LRTM3: variants seen among roughly 807,000 people sequenced by gnomAD.
The protein encoded by LRTM3 is leucine rich repeat transmembrane protein 3.
At chr13:102,743,791 C>A in the LRTM3 span, 2 of 1,550,454 alleles carry the variant, frequency 1.3e-6, no homozygotes, top group Middle Eastern at 1.7e-4. Flanking sequence ...TTGACGACTT[C>A]TTTTCCTTCA....
the LRTM3 span, chr13:102,738,036 C>T: frequency 6.4e-7 from 1 of 1,550,656 alleles, no homozygotes; most frequent in African/African-American, 1.4e-5. Flanking sequence ...TCTTGTCCTG[C>T]ACCTCTTCTG....
the LRTM3 span, chr13:102,749,374 C>T: frequency 9.9e-5 from 154 of 1,551,354 alleles, no homozygotes; most frequent in South Asian, 1.7e-3. Flanking sequence ...CTTTTACACT[C>T]CTTAGTTGTG....
At chr13:102,735,221 T>A in the LRTM3 span, 79 of 1,551,284 alleles carry the variant, frequency 5.1e-5, no homozygotes, top group Non-Finnish European at 6.5e-5. Flanking sequence ...CAAATACATT[T>A]TGTTGGGATC....
chr13:102,754,122 T>C, the LRTM3 span, among the ~76,000 whole-genome samples: 1 of 150,160 alleles, frequency 6.7e-6, no homozygotes. Flanking sequence ...AGGAGAGTTG[T>C]TGAACCCAGG....
At chr13:102,746,948 A>G in the LRTM3 span, 1 of 1,551,244 alleles carries the variant, frequency 6.4e-7, no homozygotes, top group South Asian at 1.2e-5. Context: ...GGGAGAAACA[A>G]CAGACTCAAT....
the LRTM3 span, chr13:102,743,029 GA>G: frequency 1.9e-6 from 3 of 1,547,654 alleles, no homozygotes; most frequent in African/African-American, 2.8e-5. Flanking sequence ...GACTTTTTGA[GA>G]AAAAAGTTTC....
chr13:102,741,267 A>G, the LRTM3 span: 2 of 1,550,272 alleles, frequency 1.3e-6, no homozygotes, highest in Non-Finnish European at 1.7e-6. Context: ...AAACTTTCAG[A>G]GATGGTAACA....
chr13:102,744,196 C>T, the LRTM3 span: 1 of 1,550,452 alleles, frequency 6.4e-7, no homozygotes, highest in African/African-American at 1.4e-5. Context: ...TAAACAACTG[C>T]AAAATTCGTA....
the LRTM3 span, chr13:102,730,004 A>G: frequency 3.9e-6 from 6 of 1,551,634 alleles, no homozygotes; most frequent in Non-Finnish European, 5.2e-6. Context: ...CTCTTCACTG[A>G]ATGATACACT....
At chr13:102,731,332 G>A in the LRTM3 span, 2 of 1,551,290 alleles carry the variant, frequency 1.3e-6, no homozygotes, top group Admixed American at 2.0e-5. Context: ...ACCTCCAACT[G>A]TTATCTTTTG....
the LRTM3 span, chr13:102,745,984 G>T: frequency 6.4e-7 from 1 of 1,551,160 alleles, no homozygotes; most frequent in Non-Finnish European, 8.7e-7. Context: ...TGAGTATTAA[G>T]CCATCGCTGT....
chr13:102,740,101 T>A, the LRTM3 span: 1 of 1,548,760 alleles, frequency 6.5e-7, no homozygotes, highest in Non-Finnish European at 8.7e-7. Flanking sequence ...GACATACTTC[T>A]TTTTGTACCT....
chr13:102,746,702 G>A, the LRTM3 span: 21 of 1,551,056 alleles, frequency 1.4e-5, no homozygotes, highest in Admixed American at 5.9e-5. Context: ...AGTCTCTGGC[G>A]AAGTTGCTGG....
the LRTM3 span, among the ~76,000 whole-genome samples, chr13:102,754,910 G>A: frequency 3.9e-5 from 6 of 152,020 alleles, no homozygotes; most frequent in East Asian, 1.9e-4. Flanking sequence ...ATCTATCAAC[G>A]ATAACTCCCT....
the LRTM3 span, chr13:102,749,128 A>T: frequency 1.9e-6 from 3 of 1,550,300 alleles, no homozygotes; most frequent in South Asian, 2.4e-5. Flanking sequence ...TCTCAGTGTT[A>T]TTCTTGCATC....
chr13:102,738,740 G>A, the LRTM3 span: 1 of 1,550,574 alleles, frequency 6.4e-7, no homozygotes, highest in Non-Finnish European at 8.7e-7. Flanking sequence ...TCCTTCTATT[G>A]TGCCCACTTT....
the LRTM3 span, chr13:102,746,242 C>T: frequency 1.3e-6 from 2 of 1,550,818 alleles, no homozygotes; most frequent in Non-Finnish European, 1.7e-6. Context: ...TTTGACCCGC[C>T]TCAGACCCCA....
the LRTM3 span, chr13:102,731,961 T>C: frequency 1.3e-6 from 2 of 1,551,266 alleles, no homozygotes; most frequent in East Asian, 4.9e-5. Context: ...TCTGGAACAA[T>C]CCGTTCTTTT....
At chr13:102,734,956 TG>T in the LRTM3 span, 1 of 1,551,192 alleles carries the variant, frequency 6.4e-7, no homozygotes, top group Non-Finnish European at 8.7e-7. Context: ...GCCTTATACA[TG>T]TGCCTCCCTC....
Sources: allele counts gnomAD v4.1 joint callset (sites outside exome capture counted in the v4.1 genomes callset), GRCh38; gene constraint gnomAD v4.1.1; transcripts MANE v1.5; gene names NCBI Gene and HGNC (gene_info 2026-07-23, HGNC 2026-07-21).